Variants in SLC44A5 observed in about 807,000 individuals in gnomAD.
SLC44A5 encodes the protein solute carrier family 44 member 5.
A neutral mutation model predicts 101.8 loss-of-function variants in SLC44A5; 57 were observed. The observed-to-expected ratio is 0.56, with a 90% CI of 0.45 to 0.70. SLC44A5 has a LOEUF of 0.70. Among genes scored for constraint, SLC44A5 ranks in the 30% least tolerant of loss-of-function variants. The pLI is 0.00. For synonymous variants in SLC44A5, 281 were observed against 290.9 expected, an observed-to-expected ratio of 0.97 and a Z score of 0.35; for missense variants, 737 against 853.1, an observed-to-expected ratio of 0.86 and a Z score of 1.70.
At chr1:75,657,491 T>C in the SLC44A5 span, among the ~76,000 whole-genome samples, 1 of 149,412 alleles carries the variant, frequency 6.7e-6, no homozygotes, top group African/African-American at 2.5e-5. Context: ...GAGGTTGCAG[T>C]GAGCTGGGCT....
chr1:75,695,752 A>G, the SLC44A5 span, among the ~76,000 whole-genome samples: 4 of 148,310 alleles, frequency 2.7e-5, no homozygotes, highest in Admixed American at 1.4e-4. Context: ...TATTGTTTAC[A>G]TATAATTTAT....
chr1:75,716,614 C>T, the SLC44A5 span, among the ~76,000 whole-genome samples: 2 of 152,190 alleles, frequency 1.3e-5, no homozygotes, highest in Non-Finnish European at 2.9e-5. Context: ...ACTGGGCATA[C>T]ACCCAAAGGA....
In SLC44A5 at chr1:75,396,595, C is replaced by T. The variant is rs1177938733; in HGVS notation, c.40G>A (p.Glu14Lys). 6.2e-7 allele frequency: 1 copy of T among 1,612,614 alleles called. No homozygotes were observed. Among genetic ancestry groups the T allele is most frequent in the South Asian group, 1.1e-5 (1 of 91,052 alleles). Residue 14 changes from glutamate to lysine, a missense_variant, in exon 3 of 24, where the codon GAA (glutamate) becomes AAA (lysine). Around this residue, in one of 3 missense-constraint regions of SLC44A5, gnomAD observed 665 missense variants for 764.4 expected, o/e 0.87. Transcript: ENST00000370859. ...GACTATGACTTACCAAAGTCCTCTT[C>T]CTCAGAGGGAGTATCTGCTGGTTTT... The part of the protein sequence containing the change: ...TEKPADTPSE[E>K]EDFGDPRTYD...
rs1417413032 is a variant in SLC44A5, at chr1:75,409,940, T to C, written c.14-13319A>G. ...ATGACATACATACATACATATATAC[T>C]TGCAATACACACAAGCATACATTTT... On this transcript the variant is annotated intron_variant, in intron 2 of 23. Transcript: ENST00000370859. 2.0e-5 allele frequency among the ~76,000 whole-genome samples: 3 copies of C among 152,094 alleles called. No individual in the cohort carries two copies. In the East Asian group the frequency reaches 5.8e-4, roughly 29 times the overall value.
At chr1:75,421,294 A>AAT (rs1465735022) in intron 2 of SLC44A5, among the ~76,000 whole-genome samples, 1 of 152,134 alleles carries the variant, frequency 6.6e-6, no homozygotes, top group African/African-American at 2.4e-5. Flanking sequence ...CAGGTGCTAA[A>AAT]AAGCCACCAT....
At chr1:75,340,196 A>G (rs1657768739) in intron 3 of SLC44A5, among the ~76,000 whole-genome samples, 1 of 152,208 alleles carries the variant, frequency 6.6e-6, no homozygotes, top group Admixed American at 6.5e-5. Flanking sequence ...ACTTCATGCC[A>G]TCTGGGAAGG....
At chr1:75,486,492 CAAAA>C (rs1668156154) in intron 2 of SLC44A5, among the ~76,000 whole-genome samples, 1 of 152,080 alleles carries the variant, frequency 6.6e-6, no homozygotes, top group South Asian at 2.1e-4. Context: ...GAAGCACAAA[CAAAA>C]GAAATGATTT....
At chr1:75,328,774 C>T (rs1310690980) in intron 4 of SLC44A5, among the ~76,000 whole-genome samples, 1 of 152,218 alleles carries the variant, frequency 6.6e-6, no homozygotes, top group Non-Finnish European at 1.5e-5. Flanking sequence ...AGCTTCGTTG[C>T]CAAAGTGTCT....
intron 1 of SLC44A5, among the ~76,000 whole-genome samples, chr1:75,600,932 G>T (rs752998563): frequency 3.9e-5 from 6 of 152,160 alleles, no homozygotes; most frequent in Non-Finnish European, 7.3e-5. Flanking sequence ...CTTAAGCAAT[G>T]CATGACTGTG....
At chr1:75,564,731 T>C (rs1386562607) in intron 1 of SLC44A5, among the ~76,000 whole-genome samples, 1 of 152,048 alleles carries the variant, frequency 6.6e-6, no homozygotes, top group Non-Finnish European at 1.5e-5. Flanking sequence ...GCCATTCTCC[T>C]GTCTAAGCCT....
chr1:75,249,817 G>C (rs191906497), intron 7 of SLC44A5, among the ~76,000 whole-genome samples: 2 of 152,194 alleles, frequency 1.3e-5, no homozygotes, highest in East Asian at 3.9e-4. Context: ...TGTTCTGGAG[G>C]CCAGAGAGGT....
At chr1:75,323,125 T>C (rs1468192308) in intron 4 of SLC44A5, among the ~76,000 whole-genome samples, 1 of 143,744 alleles carries the variant, frequency 7.0e-6, no homozygotes, top group East Asian at 2.1e-4. Context: ...CAGAGTGTGA[T>C]GTTCCCCTTC....
At chr1:75,570,946 A>G (rs1175761334) in intron 1 of SLC44A5, among the ~76,000 whole-genome samples, 2 of 152,196 alleles carry the variant, frequency 1.3e-5, no homozygotes, top group Non-Finnish European at 2.9e-5. Context: ...GATGCCGGTC[A>G]AGAAACATCT....
intron 4 of SLC44A5, among the ~76,000 whole-genome samples, chr1:75,322,430 T>C (rs1656236060): frequency 6.6e-6 from 1 of 152,196 alleles, no homozygotes; most frequent in African/African-American, 2.4e-5. Flanking sequence ...TCTGATGGTC[T>C]GTAATGATTT....
chr1:75,277,299 T>C (rs376675946), intron 5 of SLC44A5, among the ~76,000 whole-genome samples: 9 of 152,214 alleles, frequency 5.9e-5, no homozygotes, highest in Middle Eastern at 3.2e-3. Context: ...TGACAGCTGT[T>C]GTGCTAACTT....
chr1:75,524,020 A>G (rs1307510867), intron 2 of SLC44A5, among the ~76,000 whole-genome samples: 1 of 152,238 alleles, frequency 6.6e-6, no homozygotes, highest in Non-Finnish European at 1.5e-5. Flanking sequence ...CAGAAATACA[A>G]GTGACATGGT....
intron 2 of SLC44A5, among the ~76,000 whole-genome samples, chr1:75,419,220 A>T (rs1012002509): frequency 2.6e-5 from 4 of 152,126 alleles, no homozygotes; most frequent in African/African-American, 7.2e-5. Flanking sequence ...ATTTTTTTTT[A>T]AATTGGAATA....
At chr1:75,291,091 C>T (rs1000926374) in intron 5 of SLC44A5, among the ~76,000 whole-genome samples, 2 of 152,070 alleles carry the variant, frequency 1.3e-5, no homozygotes, top group African/African-American at 4.8e-5. Context: ...TTTATAACAC[C>T]TGTGGGTTTT....
At chr1:75,206,332 G>A in intron 23 of SLC44A5, 1 of 304,984 alleles carries the variant, frequency 3.3e-6, no homozygotes, top group Non-Finnish European at 6.0e-6. Context: ...AATGGAAACA[G>A]CACGCTGAGT....
Sources: gnomAD v4.1 joint callset for allele counts (sites outside exome capture counted in the v4.1 genomes callset) on GRCh38, gnomAD v4.1.1 for gene constraint, gnomAD v4.1.1 regional missense constraint, MANE v1.5 for transcripts, NCBI Gene and HGNC (gene_info 2026-07-23, HGNC 2026-07-21) for gene names.